The following PTPRD variants were observed in gnomAD, a reference collection of about 807,000 sequenced individuals.
The protein encoded by PTPRD is protein tyrosine phosphatase receptor type D, also known as receptor-type tyrosine-protein phosphatase delta.
In PTPRD, 34 loss-of-function variants were observed where a neutral mutation model predicts 214.5. That is an observed-to-expected ratio of 0.16 (90% confidence interval 0.12 to 0.21). PTPRD has a LOEUF of 0.21. Among genes scored for constraint, PTPRD ranks in the 10% least tolerant of loss-of-function variants. The pLI is 1.00. For synonymous variants in PTPRD, 1,128 were observed against 845.7 expected, an observed-to-expected ratio of 1.33 and a Z score of -5.79; for missense variants, 2,545 against 2,398.7, an observed-to-expected ratio of 1.06 and a Z score of -1.27.
intron 12 of PTPRD, among the ~76,000 whole-genome samples, chr9:8,672,841 C>A (rs1596552617): frequency 7.0e-5 from 2 of 28,566 alleles, no homozygotes; most frequent in South Asian, 2.0e-3. Flanking sequence ...TTTTTGTACT[C>A]TGTGTGGGGG....
At chr9:8,702,701 G>A (rs1434179259) in intron 12 of PTPRD, among the ~76,000 whole-genome samples, 2 of 152,240 alleles carry the variant, frequency 1.3e-5, no homozygotes, top group African/African-American at 4.8e-5. Flanking sequence ...GCAACCTCCC[G>A]TGTTCAAGCG....
chr9:9,024,356 T>TTTTTTTTTTTTTTTG (rs2099580308), intron 10 of PTPRD, among the ~76,000 whole-genome samples: 1 of 147,084 alleles, frequency 6.8e-6, no homozygotes. Flanking sequence ...TTGTTTGTTT[T>TTTTTTTTTTTTTTTG]TTTTTTTTTC....
chr9:10,165,174 G>A (rs1592900317), intron 3 of PTPRD, among the ~76,000 whole-genome samples: 1 of 151,620 alleles, frequency 6.6e-6, no homozygotes, highest in South Asian at 2.1e-4. Context: ...TATTTATACA[G>A]CTCAAAAGAT....
intron 9 of PTPRD, among the ~76,000 whole-genome samples, chr9:9,350,953 G>C (rs1007626632): frequency 7.2e-5 from 11 of 151,910 alleles, no homozygotes; most frequent in Non-Finnish European, 1.3e-4. Context: ...ACAGTGCTTT[G>C]GGCAAGTTTT....
intron 9 of PTPRD, among the ~76,000 whole-genome samples, chr9:9,342,225 C>T (rs760624209): frequency 1.5e-4 from 23 of 152,274 alleles, no homozygotes; most frequent in Non-Finnish European, 3.2e-4. Context: ...TCAAGCAATA[C>T]TGTCATGCTT....
At chr9:8,330,213 C>T (rs1230413477) in intron 44 of PTPRD, among the ~76,000 whole-genome samples, 1 of 152,136 alleles carries the variant, frequency 6.6e-6, no homozygotes, top group Non-Finnish European at 1.5e-5. Flanking sequence ...CACCCACTGT[C>T]CAACCAGTCC....
In PTPRD at chr9:9,081,126, G is replaced by T. The variant is rs753092729; in HGVS notation, c.-142-62391C>A. Among the ~76,000 whole-genome samples the T allele has an allele frequency of 1.0e-3, 159 of 152,138 alleles. 1 individual carries two copies. Among genetic ancestry groups the T allele is most frequent in the Middle Eastern group, 0.01 (3 of 292 alleles). ...AGATCTTTCCTGCTTTCTCCTGTGG[G>T]CATTTAGTGCTATAAATTTCCCTCT... On this transcript the variant is annotated intron_variant, in intron 10 of 45. Transcript: ENST00000381196.
intron 5 of PTPRD, among the ~76,000 whole-genome samples, chr9:9,848,897 A>C (rs1290119423): frequency 6.6e-6 from 1 of 152,074 alleles, no homozygotes; most frequent in Non-Finnish European, 1.5e-5. Flanking sequence ...TTCTTTAAAA[A>C]TCAATTAATA....
At chr9:10,074,938 ATTAC>A (rs1359639771) in intron 3 of PTPRD, among the ~76,000 whole-genome samples, 4 of 152,176 alleles carry the variant, frequency 2.6e-5, no homozygotes, top group Admixed American at 2.6e-4. Context: ...TTTGAGAAAT[ATTAC>A]TTAGTCAAAC....
intron 8 of PTPRD, among the ~76,000 whole-genome samples, chr9:9,526,157 T>A (rs1353000644): frequency 1.3e-5 from 2 of 152,204 alleles, no homozygotes; most frequent in African/African-American, 2.4e-5. Context: ...ACTACAGTTA[T>A]GTTGAGTGTG....
chr9:8,435,291 A>G (rs2095296786), intron 35 of PTPRD, among the ~76,000 whole-genome samples: 1 of 151,892 alleles, frequency 6.6e-6, no homozygotes, highest in South Asian at 2.1e-4. Flanking sequence ...TATTTTTGTG[A>G]CCCCTCTAAG....
intron 35 of PTPRD, among the ~76,000 whole-genome samples, chr9:8,431,910 C>A (rs1267717143): frequency 6.6e-6 from 1 of 152,216 alleles, no homozygotes; most frequent in East Asian, 1.9e-4. Context: ...ATGGTATCAG[C>A]TTCTCTTTGC....
chr9:10,031,388 G>A (rs755643564), intron 4 of PTPRD, among the ~76,000 whole-genome samples: 2 of 151,738 alleles, frequency 1.3e-5, no homozygotes, highest in African/African-American at 4.9e-5. Context: ...TAATCTGGCA[G>A]GCACCATCTA....
chr9:8,744,446 A>G (rs2092542077), intron 11 of PTPRD, among the ~76,000 whole-genome samples: 1 of 152,254 alleles, frequency 6.6e-6, no homozygotes, highest in Admixed American at 6.5e-5. Context: ...GTATACTTAT[A>G]CCACGGAATA....
chr9:10,366,934 A>T (rs565161705), intron 2 of PTPRD, among the ~76,000 whole-genome samples: 1 of 152,324 alleles, frequency 6.6e-6, no homozygotes, highest in South Asian at 2.1e-4. Flanking sequence ...ATTAGGAAGA[A>T]GGAAGTTTCT....
chr9:8,332,800 G>GAGAGACCGATCTCATTTCTCATTTGA (rs1375617126), intron 43 of PTPRD, among the ~76,000 whole-genome samples: 55 of 152,110 alleles, frequency 3.6e-4, no homozygotes, highest in Admixed American at 6.5e-4. Flanking sequence ...TCCAAGCTTA[G>GAGAGACCGATCTCATTTCTCATTTGA]AGAGACCGAT....
intron 8 of PTPRD, among the ~76,000 whole-genome samples, chr9:9,506,878 A>G (rs1215168127): frequency 1.3e-5 from 2 of 151,396 alleles, no homozygotes; most frequent in Non-Finnish European, 3.0e-5. Flanking sequence ...CTGGTTAACA[A>G]ACAGCAAAAT....
intron 27 of PTPRD, among the ~76,000 whole-genome samples, chr9:8,489,426 G>C (rs2097103704): frequency 6.6e-6 from 1 of 152,140 alleles, no homozygotes; most frequent in Non-Finnish European, 1.5e-5. Flanking sequence ...ACCCACAACA[G>C]TCATTCCTTC....
At chr9:8,597,545 G>A (rs925261286) in intron 14 of PTPRD, among the ~76,000 whole-genome samples, 22 of 151,988 alleles carry the variant, frequency 1.4e-4, no homozygotes, top group Non-Finnish European at 3.1e-4. Context: ...TTACAACAGT[G>A]AAAATAAAAG....
Sources: allele counts gnomAD v4.1 joint callset (sites outside exome capture counted in the v4.1 genomes callset), GRCh38; gene constraint gnomAD v4.1.1; transcripts MANE v1.5; gene names NCBI Gene and HGNC (gene_info 2026-07-23, HGNC 2026-07-21).